TPRG1: variants seen among roughly 807,000 people sequenced by gnomAD.
TPRG1 encodes tumor protein p63-regulated gene 1 protein.
TPRG1 carries 29 observed loss-of-function variants against 29.3 expected under a neutral mutation model. The observed-to-expected ratio is 0.99, with a 90% confidence interval of 0.74 to 1.35. The LOEUF is 1.35. TPRG1 is among the 40% of genes most tolerant of loss of function. The pLI, the probability that TPRG1 is intolerant of heterozygous loss-of-function variation, is 0.00. For synonymous variants in TPRG1, 130 were observed against 116.8 expected (o/e 1.11, Z -0.73); for missense variants, 327 against 335.0 (o/e 0.98, Z 0.19).
chr3:189,054,234 G>A lies in TPRG1; in HGVS notation c.-463+30288G>A, dbSNP rs565451558. On this transcript the variant is annotated intron_variant, in intron 4 of 10. Transcript: ENST00000433971. ...GAGGAGAGAGTCCTAAGGAGACAGA[G>A]AAGGACGGGAGGATGACCAGTTGGT... 2.2e-3 allele frequency among the ~76,000 whole-genome samples: 334 copies of A among 152,210 alleles called. 1 individual carries two copies. The highest frequency in any genetic ancestry group is 0.02 in the Middle Eastern group (6 of 294).
At chr3:189,156,850 T>G (rs1328781122) in intron 5 of TPRG1, among the ~76,000 whole-genome samples, 3 of 152,228 alleles carry the variant, frequency 2.0e-5, no homozygotes, top group African/African-American at 7.2e-5. Context: ...TAAAAGTTGC[T>G]TTGATGTAAG....
chr3:189,147,991 C>T (rs1219413234), intron 4 of TPRG1, among the ~76,000 whole-genome samples: 1 of 152,136 alleles, frequency 6.6e-6, no homozygotes, highest in Admixed American at 6.5e-5. Flanking sequence ...CTTTCTCAAT[C>T]TTCGAGAGGA....
At chr3:189,009,064 T>C (rs1246925565) in intron 3 of TPRG1, among the ~76,000 whole-genome samples, 2 of 152,070 alleles carry the variant, frequency 1.3e-5, no homozygotes, top group Non-Finnish European at 2.9e-5. Context: ...TTTGATACCA[T>C]AGAACTAATT....
chr3:189,197,848 T>C (rs1329705835), intron 1 of TPRG1, among the ~76,000 whole-genome samples: 3 of 152,158 alleles, frequency 2.0e-5, no homozygotes, highest in South Asian at 2.1e-4. Flanking sequence ...AATGATACAA[T>C]ATTGGACCAT....
intron 1 of TPRG1, among the ~76,000 whole-genome samples, chr3:189,126,130 T>G (rs1722461373): frequency 6.6e-6 from 1 of 152,064 alleles, no homozygotes; most frequent in African/African-American, 2.4e-5. Context: ...CTGACAATTT[T>G]GGTTTGGGGG....
intron 4 of TPRG1, among the ~76,000 whole-genome samples, chr3:189,269,606 A>G (rs74687272): frequency 6.6e-6 from 1 of 151,178 alleles, no homozygotes; most frequent in Non-Finnish European, 1.5e-5. Context: ...TTCATTGCAG[A>G]AAAAAAAACC....
intron 4 of TPRG1, among the ~76,000 whole-genome samples, chr3:189,148,418 A>G (rs1484389848): frequency 6.6e-6 from 1 of 152,244 alleles, no homozygotes; most frequent in East Asian, 1.9e-4. Flanking sequence ...GCCGAGTGTT[A>G]TCAAAGCAGA....
intron 5 of TPRG1, among the ~76,000 whole-genome samples, chr3:189,317,923 C>G (rs896384290): frequency 2.6e-5 from 4 of 152,062 alleles, no homozygotes. Flanking sequence ...TGGGTAGAAA[C>G]CTCTCTTGTG....
chr3:189,249,531 G>A (rs1741847074), intron 4 of TPRG1, among the ~76,000 whole-genome samples: 1 of 151,630 alleles, frequency 6.6e-6, no homozygotes, highest in South Asian at 2.1e-4. Flanking sequence ...CTTTTAATGG[G>A]TAAGATTAAC....
chr3:189,294,923 T>C (rs1305325568), intron 4 of TPRG1, among the ~76,000 whole-genome samples: 1 of 152,222 alleles, frequency 6.6e-6, no homozygotes, highest in Non-Finnish European at 1.5e-5. Context: ...TACATATGTA[T>C]ACATGTGCCA....
In TPRG1 at chr3:189,203,893, T is replaced by C. The variant is rs554373808; in HGVS notation, c.-9-3483T>C. 1.1e-4 allele frequency among the ~76,000 whole-genome samples: 17 copies of C among 152,124 alleles called. No homozygotes were observed. In the South Asian group the frequency reaches 3.1e-3, roughly 28 times the overall value. On this transcript the variant is annotated intron_variant, in intron 1 of 5. Coordinates refer to ENST00000345063, the MANE Select transcript of TPRG1 (RefSeq NM_198485.4). ...TGTCTCTACCAAAAATACAAAAAATTAGCTGGGCATGGTGGCAAGCACCTG... is the reference window on the plus strand; with the variant it reads ...TGTCTCTACCAAAAATACAAAAAATCAGCTGGGCATGGTGGCAAGCACCTG...
At chr3:189,059,605 CAAAAACAAAATGAA>C (rs1715962932) in intron 4 of TPRG1, among the ~76,000 whole-genome samples, 1 of 144,644 alleles carries the variant, frequency 6.9e-6, no homozygotes, top group South Asian at 2.2e-4. Flanking sequence ...AAAACAAAAA[CAAAAACAAAATGAA>C]AAAAACAAAG....
upstream of TPRG1, among the ~76,000 whole-genome samples, chr3:189,170,476 T>C (rs1728687729): frequency 6.6e-6 from 1 of 152,106 alleles, no homozygotes; most frequent in African/African-American, 2.4e-5. Context: ...CTTCCTGGAG[T>C]TGCTCCCTCC....
At chr3:189,182,926 T>C (rs1730423657) in intron 1 of TPRG1, among the ~76,000 whole-genome samples, 1 of 152,210 alleles carries the variant, frequency 6.6e-6, no homozygotes, top group East Asian at 1.9e-4. Flanking sequence ...TCACCTCACT[T>C]AGTTATAATT....
chr3:189,186,237 G>C (rs893918880), intron 1 of TPRG1, among the ~76,000 whole-genome samples: 1 of 152,160 alleles, frequency 6.6e-6, no homozygotes, highest in African/African-American at 2.4e-5. Flanking sequence ...AAAAGTCAAT[G>C]ATGACCCGAA....
At chr3:189,211,398 A>T (rs1735237300) in intron 2 of TPRG1, among the ~76,000 whole-genome samples, 1 of 152,236 alleles carries the variant, frequency 6.6e-6, no homozygotes, top group Non-Finnish European at 1.5e-5. Context: ...TATATGAATT[A>T]CAAATTAGAT....
intron 4 of TPRG1, among the ~76,000 whole-genome samples, chr3:189,306,887 A>T (rs971434284): frequency 3.9e-5 from 6 of 152,238 alleles, no homozygotes; most frequent in Non-Finnish European, 8.8e-5. Context: ...AAGCTAGTGA[A>T]AGTCATGATT....
chr3:189,077,836 TG>T (rs1717283824), intron 4 of TPRG1, among the ~76,000 whole-genome samples: 1 of 152,196 alleles, frequency 6.6e-6, no homozygotes, highest in Admixed American at 6.5e-5. Context: ...GAAATTGCAC[TG>T]TTAGCTTTGC....
At chr3:189,185,592 G>T (rs999571879) in intron 1 of TPRG1, among the ~76,000 whole-genome samples, 1 of 150,658 alleles carries the variant, frequency 6.6e-6, no homozygotes, top group East Asian at 1.9e-4. Context: ...GATTATCTAC[G>T]TGCAAAGCAA....
Sources: allele counts gnomAD v4.1 joint callset (sites outside exome capture counted in the v4.1 genomes callset), GRCh38; gene constraint gnomAD v4.1.1; transcripts MANE v1.5; gene names NCBI Gene and HGNC (gene_info 2026-07-23, HGNC 2026-07-21).